TCFL5: variants seen among roughly 807,000 people sequenced by gnomAD.
TCFL5 encodes transcription factor like 5.
TCFL5 carries 9 observed loss-of-function variants against 44.3 expected under a neutral mutation model. The observed-to-expected ratio is 0.20, with a 90% confidence interval of 0.12 to 0.35. The LOEUF (loss-of-function observed/expected upper bound fraction) is 0.35, where lower values mean the gene tolerates loss of function less well. Ranked by LOEUF, TCFL5 falls within the 10% of genes least tolerant of loss-of-function variation. TCFL5 has a pLI of 1.00. For missense variants in TCFL5, 603 were observed against 613.4 expected, an observed-to-expected ratio of 0.98 and a Z score of 0.18; for synonymous variants, 319 against 271.6, an observed-to-expected ratio of 1.17 and a Z score of -1.72.
Position 62,854,018 on chromosome 20 carries a change from T to G in TCFL5, c.1378A>C (p.Lys460Gln). The change falls in exon 5 of 6, where the codon AAG becomes CAG. Residue 460 changes from lysine to glutamine, a missense_variant and splice_region_variant. Physicochemically the swap from Lys to Gln is moderately conservative, Grantham distance 53. Around this residue, in one of 4 missense-constraint regions of TCFL5, gnomAD observed 41 missense variants for 61.4 expected, o/e 0.67. Transcript: ENST00000335351. The part of the protein sequence containing the change: ...IQERHGDSLK[K>Q]EFESVFCGKT... ...AATCTACCTGGCCTACCACTAACCT[T>G]TTTAAGAGAATCTCCATGTCTTTCC... 6.2e-7 allele frequency: 1 copy of G among 1,613,882 alleles called. No individual in the cohort carries two copies. Among genetic ancestry groups the G allele is most frequent in the Non-Finnish European group, 8.5e-7 (1 of 1,179,974 alleles).
At chr20:62,855,599 T>C (rs548128136) in intron 4 of TCFL5, among the ~76,000 whole-genome samples, 1 of 152,172 alleles carries the variant, frequency 6.6e-6, no homozygotes, top group Admixed American at 6.6e-5. Context: ...AAACCCCTCC[T>C]GTACTAAAAA....
rs192606716 is a variant in TCFL5 at position 62,850,678 on chromosome 20, A to T, written c.1380+3338T>A. On this transcript the variant is annotated intron_variant, in intron 5 of 5. Coordinates refer to ENST00000335351, the MANE Select transcript of TCFL5 (RefSeq NM_006602.4). Reference sequence around the variant, plus strand: ...CAGGGTGATATGGGTCATGTCACTCACTGCCCAAAGACTGCCGAGGCCCCC... The same window carrying T: ...CAGGGTGATATGGGTCATGTCACTCTCTGCCCAAAGACTGCCGAGGCCCCC... Among the ~76,000 whole-genome samples the T allele has an allele frequency of 6.7e-4, 102 of 152,128 alleles. 1 individual carries two copies. The Middle Eastern group carries it at 0.014, about 20-fold the overall frequency.
At position 62,842,772 on chromosome 20, in the gene TCFL5, AAATT is replaced by A. The variant is rs2063694006; in HGVS notation, c.1381-679_1381-676del. On this transcript the variant is annotated intron_variant, in intron 5 of 5. Transcript: ENST00000335351. The surrounding 1 kb of genome is among the most constrained non-coding windows in gnomAD (Gnocchi z 4.3). ...GAGTGAAACTCCGTCTCAAAAAAAT[AAATT>A]TTTAAAAAGTTTCAACAATTAACAA... Among the ~76,000 whole-genome samples, 1 of 152,338 alleles carries A rather than the reference AAATT, an allele frequency of 6.6e-6. No individual in the cohort carries two copies. The highest frequency in any genetic ancestry group is 6.5e-5 in the Admixed American group (1 of 15,294).
chr20:62,845,123 ATTTT>A (rs11086140), intron 5 of TCFL5: 11 of 887,786 alleles, frequency 1.2e-5, no homozygotes, highest in Non-Finnish European at 1.2e-5. Flanking sequence ...TTTCTTCCCA[ATTTT>A]TTTTTTTTTT....
intron 5 of TCFL5, among the ~76,000 whole-genome samples, chr20:62,843,838 C>T (rs116472837): frequency 0.035 from 5,320 of 152,308 alleles, 282 homozygotes; most frequent in African/African-American, 0.12. Context: ...TACGGAATCC[C>T]GCAGGGTGTG....
intron 5 of TCFL5, chr20:62,845,097 A>G: frequency 1.0e-6 from 1 of 987,496 alleles, no homozygotes; most frequent in East Asian, 1.1e-4. Context: ...CTACACCTGC[A>G]TATAAATATA....
Position 62,861,366 on chromosome 20 carries a change from G to C in TCFL5, c.305C>G (p.Ala102Gly). ...GCACAGCACGGGGTACACGGGCGCC[G>C]CGCCCCCCTGACCGCCCGCCGCGAA... ...GGFAAGGQGG[A>G]APVYPVLCPS... Residue 102 changes from alanine (A) to glycine (G), a missense_variant, in exon 1 of 6, where the codon GCG (alanine) becomes GGG (glycine). Physicochemically the swap from Ala to Gly is moderately conservative, Grantham distance 60. Coordinates refer to ENST00000335351, the MANE Select transcript of TCFL5 (RefSeq NM_006602.4). This position sits in a 1 kb window ranked among gnomAD's most constrained non-coding sequence, Gnocchi z 4.0. The C allele has an allele frequency of 9.4e-7, 1 of 1,065,638 alleles. No homozygotes were observed. Among genetic ancestry groups the C allele is most frequent in the Non-Finnish European group, 1.1e-6 (1 of 885,460 alleles). 66.0% of individuals were successfully genotyped at this position (1,065,638 alleles called of 1,614,324 possible). A position where few individuals can be genotyped will look rare whatever the true frequency, so the allele number is the denominator to read the frequency against.
intron 5 of TCFL5, among the ~76,000 whole-genome samples, chr20:62,847,090 G>A (rs2063753826): frequency 2.0e-5 from 3 of 151,876 alleles, no homozygotes; most frequent in Admixed American, 2.0e-4. Flanking sequence ...GGCTGAGGCA[G>A]GAGAATTGCT....
At chr20:62,844,055 TAGAAAAGC>T (rs2063708792) in intron 5 of TCFL5, among the ~76,000 whole-genome samples, 2 of 152,348 alleles carry the variant, frequency 1.3e-5, no homozygotes, top group South Asian at 4.1e-4. Flanking sequence ...TGAATATTCA[TAGAAAAGC>T]ATCCATTTGG....
At chr20:62,851,962 G>C (rs942285093) in intron 5 of TCFL5, 67 of 793,644 alleles carry the variant, frequency 8.4e-5, no homozygotes, top group Non-Finnish European at 1.0e-4. Context: ...GCGCCACCAC[G>C]CCTGGCTAAT....
intron 1 of TCFL5, among the ~76,000 whole-genome samples, chr20:62,860,625 C>T (rs2063981870): frequency 6.6e-6 from 1 of 152,246 alleles, no homozygotes; most frequent in Non-Finnish European, 1.5e-5. Context: ...CCTTCCACAG[C>T]CATCCCTGAG....
At chr20:62,850,677 C>G (rs2063797415) in intron 5 of TCFL5, among the ~76,000 whole-genome samples, 1 of 152,210 alleles carries the variant, frequency 6.6e-6, no homozygotes, top group Non-Finnish European at 1.5e-5. Flanking sequence ...TCATGTCACT[C>G]ACTGCCCAAA....
At chr20:62,850,709 T>C (rs1423579259) in intron 5 of TCFL5, among the ~76,000 whole-genome samples, 2 of 151,946 alleles carry the variant, frequency 1.3e-5, no homozygotes, top group Admixed American at 1.3e-4. Flanking sequence ...CCCCCAACCC[T>C]CAGGACTAGC....
intron 5 of TCFL5, among the ~76,000 whole-genome samples, chr20:62,843,641 T>TAC (rs2063704045): frequency 6.6e-6 from 1 of 152,238 alleles, no homozygotes; most frequent in South Asian, 2.1e-4. Context: ...TAAGCATGTG[T>TAC]AAGTGTACAG....
Position 62,842,521 on chromosome 20 carries a change from G to A in TCFL5, c.1381-424C>T, listed in dbSNP as rs1363273051. Among the ~76,000 whole-genome samples the A allele has an allele frequency of 6.6e-6, 1 of 152,222 alleles. No homozygotes were observed. Among genetic ancestry groups the A allele is most frequent in the African/African-American group, 2.4e-5 (1 of 41,456 alleles). On this transcript the variant is annotated intron_variant, in intron 5 of 5. Transcript: ENST00000335351. This position sits in a 1 kb window ranked among gnomAD's most constrained non-coding sequence, Gnocchi z 4.3. ...TCACGCCTATAATCCCAGCACTTTG[G>A]GAGGCCGAGGTGGGTGGATCACCTG...
intron 5 of TCFL5, chr20:62,845,716 A>G: frequency 6.2e-7 from 1 of 1,606,738 alleles, no homozygotes; most frequent in Non-Finnish European, 8.5e-7. Flanking sequence ...TATGACGAGG[A>G]CTCGGAGACA....
intron 4 of TCFL5, among the ~76,000 whole-genome samples, chr20:62,856,328 AAAG>A (rs11470320): frequency 0.13 from 20,048 of 151,474 alleles, 1,807 homozygotes; most frequent in Non-Finnish European, 0.2. Flanking sequence ...TTAATTCTAC[AAAG>A]AAGGATACCA....
intron 5 of TCFL5, chr20:62,852,226 G>T (rs2063819003): frequency 1.0e-6 from 1 of 985,360 alleles, no homozygotes; most frequent in African/African-American, 1.7e-5. Context: ...TACAAAGTCA[G>T]GACCCTGTGG....
chr20:62,845,115 T>A, intron 5 of TCFL5: 1 of 984,576 alleles, frequency 1.0e-6, no homozygotes, highest in Non-Finnish European at 1.2e-6. Context: ...ATACTCATTT[T>A]CTTCCCAATT....
Sources: allele counts gnomAD v4.1 joint callset (sites outside exome capture counted in the v4.1 genomes callset), GRCh38; gene constraint gnomAD v4.1.1; regional missense constraint gnomAD v4.1.1; non-coding constraint Gnocchi (gnomAD v3.1); transcripts MANE v1.5; gene names NCBI Gene and HGNC (gene_info 2026-07-23, HGNC 2026-07-21).